The following LARP1B variants were observed in gnomAD, a reference collection of about 807,000 sequenced individuals.
LARP1B encodes the protein la-related protein 1B.
Under a neutral mutation model 114.2 loss-of-function variants are expected in LARP1B, and 76 were observed. That is an observed-to-expected ratio of 0.67 (90% CI 0.55 to 0.81). The LOEUF is 0.81. Ranked by LOEUF, LARP1B falls within the 30% of genes least tolerant of loss-of-function variation. LARP1B has a pLI of 0.00. For missense variants in LARP1B, 1,014 were observed against 1,075.8 expected, an observed-to-expected ratio of 0.94 and a Z score of 0.80; for synonymous variants, 345 against 348.0, an observed-to-expected ratio of 0.99 and a Z score of 0.10.
chr4:128,212,711 A>C (rs981476495), downstream of LARP1B, among the ~76,000 whole-genome samples: 2 of 152,084 alleles, frequency 1.3e-5, no homozygotes, highest in African/African-American at 4.8e-5. Context: ...TTACAGATAA[A>C]TCTTTGTGTA....
intron 12 of LARP1B, among the ~76,000 whole-genome samples, chr4:128,166,950 CTCTCTCTCTCTCTCTCTCTCTA>C (rs1185552360): frequency 2.7e-5 from 3 of 110,752 alleles, no homozygotes; most frequent in Non-Finnish European, 5.6e-5. Flanking sequence ...CTCTCTCTCT[CTCTCTCTCTCTCTCTCTCTCTA>C]TATATATATA....
intron 11 of LARP1B, among the ~76,000 whole-genome samples, chr4:128,152,974 T>C (rs1581061270): frequency 1.3e-5 from 1 of 76,486 alleles, no homozygotes; most frequent in East Asian, 3.5e-4. Flanking sequence ...TTGGTTTGCC[T>C]TTTTTTTTTT....
At chr4:128,134,487 A>G (rs1792621495) in intron 11 of LARP1B, among the ~76,000 whole-genome samples, 1 of 152,234 alleles carries the variant, frequency 6.6e-6, no homozygotes, top group African/African-American at 2.4e-5. Flanking sequence ...ATAAAATTAT[A>G]GAACATTTAG....
At chr4:128,099,459 G>A (rs974209428) in intron 8 of LARP1B, among the ~76,000 whole-genome samples, 17 of 151,832 alleles carry the variant, frequency 1.1e-4, no homozygotes, top group African/African-American at 4.1e-4. Flanking sequence ...GCTAATTTTT[G>A]TATTTTTAGT....
intron 11 of LARP1B, among the ~76,000 whole-genome samples, chr4:128,144,010 A>G (rs1258253678): frequency 1.3e-5 from 2 of 152,140 alleles, no homozygotes; most frequent in Non-Finnish European, 2.9e-5. Flanking sequence ...TACTATTAAC[A>G]TTTCGAACTA....
chr4:128,179,109 C>T (rs1281650461), intron 14 of LARP1B, among the ~76,000 whole-genome samples: 1 of 152,072 alleles, frequency 6.6e-6, no homozygotes, highest in Non-Finnish European at 1.5e-5. Flanking sequence ...AACAAACAAA[C>T]AAAAACCTTT....
intron 19 of LARP1B, 136 bp from the exon 20 acceptor site, chr4:128,209,720 C>CAGAAAAAAAAAAAAAAAAAAAAAAA (rs1336085069): frequency 2.1e-6 from 1 of 467,816 alleles, no homozygotes; most frequent in Non-Finnish European, 3.6e-6. Flanking sequence ...GAGACTCCAT[C>CAGAAAAAAAAAAAAAAAAAAAAAAA]AAAAAAAAAA....
intron 5 of LARP1B, among the ~76,000 whole-genome samples, chr4:128,087,813 G>T (rs1774235939): frequency 6.6e-6 from 1 of 151,496 alleles, no homozygotes; most frequent in African/African-American, 2.4e-5. Flanking sequence ...TGCGAATTTG[G>T]GGCTGTAGTG....
At chr4:128,129,164 C>CAAAAAAAAAAAAAAAAAAAA (rs559312234) in intron 11 of LARP1B, among the ~76,000 whole-genome samples, 3 of 49,152 alleles carry the variant, frequency 6.1e-5, no homozygotes, top group African/African-American at 9.7e-5. Flanking sequence ...GACTCTGTCT[C>CAAAAAAAAAAAAAAAAAAAA]AAAAAAAAAA....
chr4:128,082,063 TTAAG>T lies in LARP1B; in HGVS notation c.218-100_218-97del. 3 of 1,060,844 alleles carry T rather than the reference TTAAG, an allele frequency of 2.8e-6. No individual in the cohort carries two copies. The South Asian group carries it at 4.4e-5, about 16-fold the overall frequency. 65.7% of individuals were successfully genotyped at this position (1,060,844 alleles called of 1,614,324 possible). On this transcript the variant is annotated intron_variant, in intron 4 of 19. Transcript: ENST00000326639. ...TTTACAAATAATCTTAAAATACACA[TTAAG>T]TGTTTCACTTATTTGATTAAAGTTC...
intron 9 of LARP1B, chr4:128,108,367 A>G (rs1782805878): frequency 1.0e-6 from 1 of 989,516 alleles, no homozygotes; most frequent in African/African-American, 1.7e-5. Context: ...ACATTGTAAA[A>G]CTCAGATATT....
chr4:128,184,605 CCTT>C (rs2150726555), intron 15 of LARP1B, among the ~76,000 whole-genome samples: 1 of 152,120 alleles, frequency 6.6e-6, no homozygotes, highest in East Asian at 1.9e-4. Flanking sequence ...TGCATACCAA[CCTT>C]CTAGCTATTT....
intron 14 of LARP1B, 90 bp from the exon 15 acceptor site, chr4:128,179,316 T>C: frequency 1.4e-6 from 1 of 723,120 alleles, no homozygotes; most frequent in South Asian, 2.6e-5. Flanking sequence ...ATGAAAATGT[T>C]TGAGTTCATT....
chr4:128,078,036 C>T lies in LARP1B; in HGVS notation c.217+74C>T, dbSNP rs79743460. The stretch of plus-strand genomic sequence containing the variant: ...GTAATGAGGAATTACATTTCATTAA[C>T]TGATCTCTGGTAGTCAAAAATGTAT... On this transcript the variant is annotated intron_variant, in intron 4 of 19. Coordinates refer to ENST00000326639, the MANE Select transcript of LARP1B (RefSeq NM_018078.4). 1.3e-3 allele frequency: 1,316 copies of T among 1,001,190 alleles called. 18 individuals are homozygous for T. In the African/African-American group the frequency reaches 0.02, roughly 15 times the overall value. The allele number at this position is 1,001,190 out of a possible 1,614,324, so 62.0% of individuals were successfully genotyped here. A position where few individuals can be genotyped will look rare whatever the true frequency, so the allele number is the denominator to read the frequency against.
rs2150943375 is a variant in LARP1B at position 128,206,521 on chromosome 4, A to G, written c.2403A>G (p.Lys801=). ...EIFQDFQEET[K]KDYESGQLYG... Reference sequence around the variant, plus strand: ...TTCAGGATTTCCAAGAAGAAACCAAAAAAGACTACGAATCTGGTAACAATA... The same window carrying G: ...TTCAGGATTTCCAAGAAGAAACCAAGAAAGACTACGAATCTGGTAACAATA... Residue 801 remains lysine (K), a synonymous_variant, in exon 18 of 20, where the codon AAA becomes AAG. Transcript: ENST00000326639. The G allele has an allele frequency of 6.2e-7, 1 of 1,611,856 alleles. No homozygotes were observed. The highest frequency in any genetic ancestry group is 8.5e-7 in the Non-Finnish European group (1 of 1,179,218).
intron 7 of LARP1B, among the ~76,000 whole-genome samples, chr4:128,091,981 A>T (rs931903948): frequency 6.6e-6 from 1 of 152,166 alleles, no homozygotes; most frequent in Non-Finnish European, 1.5e-5. Flanking sequence ...AGGGAATGTG[A>T]TTAAAGTAGG....
intron 15 of LARP1B, among the ~76,000 whole-genome samples, chr4:128,181,768 C>G (rs751347152): frequency 3.4e-5 from 5 of 146,930 alleles, no homozygotes; most frequent in South Asian, 2.2e-4. Context: ...GTAATTCTTG[C>G]AATATTTCAA....
At chr4:128,061,220 G>A (rs1338674488), upstream of LARP1B, 5 of 152,098 alleles carry the variant, frequency 3.3e-5, 1 homozygote, top group South Asian at 4.1e-4. Flanking sequence ...GCGAGAGAAG[G>A]ACCCGGTGAG....
At chr4:128,082,022 C>A (rs1046866906) in intron 4 of LARP1B, 143 bp from the exon 5 acceptor site, 2 of 787,516 alleles carry the variant, frequency 2.5e-6, no homozygotes, top group African/African-American at 1.7e-5. Flanking sequence ...AGGCATGAGC[C>A]ACCGTGTCTG....
Sources: gnomAD v4.1 joint callset for allele counts (sites outside exome capture counted in the v4.1 genomes callset) on GRCh38, gnomAD v4.1.1 for gene constraint, MANE v1.5 for transcripts, NCBI Gene and HGNC (gene_info 2026-07-23, HGNC 2026-07-21) for gene names.